KIF26B: variants seen among roughly 807,000 people sequenced by gnomAD.
KIF26B encodes kinesin family member 26B.
In KIF26B, 63 loss-of-function variants were observed where a neutral mutation model predicts 151.2. That is an observed-to-expected ratio of 0.42 (90% CI 0.34 to 0.51). The LOEUF is 0.51. KIF26B is among the 20% of genes least tolerant of loss of function. The pLI, the probability that KIF26B is intolerant of heterozygous loss-of-function variation, is 0.07. For synonymous variants in KIF26B, 1,357 were observed against 1,262.1 expected, an observed-to-expected ratio of 1.08 and a Z score of -1.59; for missense variants, 2,813 against 2,913.6, an observed-to-expected ratio of 0.97 and a Z score of 0.79.
intron 2 of KIF26B, among the ~76,000 whole-genome samples, chr1:245,169,328 G>GGTGTGTGGGTGTGGGTGTGT (rs56332945): frequency 7.5e-6 from 1 of 134,092 alleles, no homozygotes; most frequent in East Asian, 2.5e-4. Context: ...AACGGGCCAT[G>GGTGTGTGGGTGTGGGTGTGT]GTGTGTGTGT....
intron 3 of KIF26B, among the ~76,000 whole-genome samples, chr1:245,374,051 A>C (rs551022): frequency 0.67 from 56,191 of 84,358 alleles, 18,411 homozygotes; most frequent in African/African-American, 0.81. Flanking sequence ...AGACCCGAGA[A>C]CCTATCTCAA....
chr1:245,584,944 T>A (rs761394974), intron 5 of KIF26B, among the ~76,000 whole-genome samples: 45 of 152,202 alleles, frequency 3.0e-4, no homozygotes, highest in Non-Finnish European at 5.6e-4. Context: ...GTTACTAGAA[T>A]CTTTTAAATT....
intron 3 of KIF26B, among the ~76,000 whole-genome samples, chr1:245,415,390 C>T (rs1173650): frequency 0.28 from 41,819 of 151,842 alleles, 6,241 homozygotes; most frequent in South Asian, 0.39. Flanking sequence ...CCCTGCAACC[C>T]TAGAGAGGAT....
intron 9 of KIF26B, among the ~76,000 whole-genome samples, chr1:245,645,588 T>C (rs1031392167): frequency 1.3e-5 from 2 of 152,206 alleles, no homozygotes; most frequent in Non-Finnish European, 2.9e-5. Context: ...ACTTGGCAGA[T>C]ACTCAGCAAA....
At chr1:245,200,283 A>G (rs1377640903) in intron 2 of KIF26B, among the ~76,000 whole-genome samples, 2 of 152,176 alleles carry the variant, frequency 1.3e-5, no homozygotes, top group African/African-American at 4.8e-5. Flanking sequence ...AATTTCATGA[A>G]CTGCTCTTTA....
chr1:245,165,637 C>T (rs528277227), intron 2 of KIF26B, among the ~76,000 whole-genome samples: 1 of 151,942 alleles, frequency 6.6e-6, no homozygotes, highest in Middle Eastern at 3.2e-3. Flanking sequence ...CCATTGACAT[C>T]GAAGGGACCA....
chr1:245,544,905 T>C (rs2103105320), intron 5 of KIF26B, among the ~76,000 whole-genome samples: 1 of 152,158 alleles, frequency 6.6e-6, no homozygotes, highest in South Asian at 2.1e-4. Flanking sequence ...ACAATCCCAC[T>C]CCCCAGCCAC....
intron 2 of KIF26B, among the ~76,000 whole-genome samples, chr1:245,280,021 G>A (rs1268765911): frequency 6.6e-6 from 1 of 151,994 alleles, no homozygotes; most frequent in Non-Finnish European, 1.5e-5. Flanking sequence ...TCAGTTTACA[G>A]TACCATTTGG....
chr1:245,263,227 G>T (rs1156946822), intron 2 of KIF26B, among the ~76,000 whole-genome samples: 3 of 152,160 alleles, frequency 2.0e-5, no homozygotes, highest in Non-Finnish European at 4.4e-5. Flanking sequence ...CTCTGCTTGT[G>T]CTCCTTCTTC....
chr1:245,615,352 T>C (rs2043577033), intron 9 of KIF26B, among the ~76,000 whole-genome samples: 1 of 152,224 alleles, frequency 6.6e-6, no homozygotes, highest in Non-Finnish European at 1.5e-5. Flanking sequence ...CAACTCTGTT[T>C]TCGGTTTTGT....
intron 9 of KIF26B, among the ~76,000 whole-genome samples, chr1:245,615,526 C>T (rs1281385360): frequency 6.6e-6 from 1 of 152,188 alleles, no homozygotes; most frequent in South Asian, 2.1e-4. Context: ...CAGTGATCCA[C>T]CCCAAATCAG....
At chr1:245,481,383 C>G (rs1240769348) in intron 4 of KIF26B, among the ~76,000 whole-genome samples, 1 of 151,854 alleles carries the variant, frequency 6.6e-6, no homozygotes, top group Non-Finnish European at 1.5e-5. Context: ...CTGAACCATT[C>G]CCGTGCTCAA....
intron 2 of KIF26B, among the ~76,000 whole-genome samples, chr1:245,263,637 A>G (rs925180296): frequency 3.3e-5 from 5 of 152,326 alleles, no homozygotes; most frequent in Admixed American, 3.3e-4. Context: ...TAATTGGTCT[A>G]GGAGCTTATA....
intron 3 of KIF26B, among the ~76,000 whole-genome samples, chr1:245,380,394 T>G (rs1673378055): frequency 6.6e-6 from 1 of 152,214 alleles, no homozygotes; most frequent in Non-Finnish European, 1.5e-5. Context: ...AGATGACTCA[T>G]CTGAGCCAGC....
intron 10 of KIF26B, among the ~76,000 whole-genome samples, chr1:245,647,418 CCTT>C (rs2043962544): frequency 1.9e-5 from 2 of 104,644 alleles, no homozygotes; most frequent in African/African-American, 7.6e-5. Context: ...GAGCGAGACT[CCTT>C]CTCAAAAAAA....
intron 4 of KIF26B, among the ~76,000 whole-genome samples, chr1:245,453,876 C>T (rs4658461): frequency 0.15 from 23,432 of 152,078 alleles, 2,058 homozygotes; most frequent in African/African-American, 0.24. Flanking sequence ...AACAGCCCAG[C>T]GTACTTCCAT....
chr1:245,197,852 T>C (rs1669222121), intron 2 of KIF26B, among the ~76,000 whole-genome samples: 1 of 152,220 alleles, frequency 6.6e-6, no homozygotes, highest in African/African-American at 2.4e-5. Flanking sequence ...GGATAATTAA[T>C]GTGTGATTTT....
At chr1:245,469,015 G>A (rs1572077649) in intron 4 of KIF26B, among the ~76,000 whole-genome samples, 1 of 152,194 alleles carries the variant, frequency 6.6e-6, no homozygotes, top group Non-Finnish European at 1.5e-5. Flanking sequence ...TATGTATGTT[G>A]TATTTTTGTG....
At chr1:245,380,708 G>A (rs1673386840) in intron 3 of KIF26B, among the ~76,000 whole-genome samples, 1 of 152,130 alleles carries the variant, frequency 6.6e-6, no homozygotes, top group African/African-American at 2.4e-5. Flanking sequence ...CCTCTCTGGA[G>A]GGAAGGGGAC....
Sources: allele counts gnomAD v4.1 joint callset (sites outside exome capture counted in the v4.1 genomes callset), GRCh38; gene constraint gnomAD v4.1.1; transcripts MANE v1.5; gene names NCBI Gene and HGNC (gene_info 2026-07-23, HGNC 2026-07-21).